Variants in HMCN1 observed in about 807,000 individuals in gnomAD.
HMCN1 encodes hemicentin-1.
A neutral mutation model predicts 625.9 loss-of-function variants in HMCN1; 321 were observed. The observed-to-expected ratio is 0.51, with a 90% CI of 0.47 to 0.56. The LOEUF (loss-of-function observed/expected upper bound fraction) is 0.56. Among genes scored for constraint, HMCN1 ranks in the 20% least tolerant of loss-of-function variants. The pLI is 0.00. For missense variants in HMCN1, 6,588 were observed against 6,887.3 expected, an observed-to-expected ratio of 0.96 and a Z score of 1.54; for synonymous variants, 2,425 against 2,417.6, an observed-to-expected ratio of 1.00 and a Z score of -0.09.
At chr1:186,127,848 A>G (rs1247987129) in intron 82 of HMCN1, among the ~76,000 whole-genome samples, 1 of 152,152 alleles carries the variant, frequency 6.6e-6, no homozygotes, top group Non-Finnish European at 1.5e-5. Context: ...CTGAAATCTT[A>G]CCACTGTAAA....
In HMCN1 at chr1:186,165,163, T is replaced by G; in HGVS notation, c.15309T>G (p.Pro5103=). 1.2e-6 allele frequency: 2 copies of G among 1,613,460 alleles called. No homozygotes were observed. The highest frequency in any genetic ancestry group is 1.7e-4 in the Middle Eastern group (1 of 6,056). Residue 5103 remains proline (P), a synonymous_variant, in exon 98 of 107, where the codon CCT becomes CCG. Coordinates refer to ENST00000271588, the MANE Select transcript of HMCN1 (RefSeq NM_031935.3). ...GGTTTACCTTAGACTCAGTTGGACC[T>G]TTTTGTGCTGGTAAGTACAGAGATA... is the stretch of plus-strand genomic sequence containing the variant. The part of the protein sequence containing the change: ...PSGFTLDSVG[P]FCADEDECAA...
Position 186,085,143 on chromosome 1 carries a change from C to T in HMCN1, c.8885-1103C>T, listed in dbSNP as rs545080000. ...TGAACTGAGCCCTCCATACTGATTG[C>T]GACTTGTCGTTTTGTGTCTACACTA... On this transcript the variant is annotated intron_variant, in intron 57 of 106. Coordinates refer to ENST00000271588, the MANE Select transcript of HMCN1 (RefSeq NM_031935.3). Among the ~76,000 whole-genome samples, 9 of 152,192 alleles carry T rather than the reference C, an allele frequency of 5.9e-5. No individual in the cohort carries two copies. The South Asian group carries it at 6.2e-4, about 11-fold the overall frequency.
intron 10 of HMCN1, among the ~76,000 whole-genome samples, chr1:185,929,414 G>A (rs1210021837): frequency 1.3e-5 from 2 of 151,880 alleles, no homozygotes; most frequent in African/African-American, 4.8e-5. Flanking sequence ...AATTTTCAGG[G>A]GAAAAAAGAC....
At chr1:186,095,985 T>C (rs1351098531) in intron 68 of HMCN1, among the ~76,000 whole-genome samples, 1 of 152,216 alleles carries the variant, frequency 6.6e-6, no homozygotes, top group East Asian at 1.9e-4. Context: ...ACTTAAAATA[T>C]GTATTCCAGT....
chr1:186,141,759 C>T (rs928399930), intron 89 of HMCN1, among the ~76,000 whole-genome samples: 2 of 152,150 alleles, frequency 1.3e-5, no homozygotes, highest in African/African-American at 4.8e-5. Context: ...AATAAATTAT[C>T]TTTTATTATT....
intron 4 of HMCN1, among the ~76,000 whole-genome samples, chr1:185,879,442 GA>G (rs1225000440): frequency 1.3e-5 from 2 of 152,102 alleles, no homozygotes; most frequent in Non-Finnish European, 2.9e-5. Flanking sequence ...ATATTGTTGG[GA>G]TTAGAGGTGT....
rs142395546 is a variant in HMCN1, at chr1:185,852,991, C to T, written c.339+6895C>T. On this transcript the variant is annotated intron_variant, in intron 2 of 106. Coordinates refer to ENST00000271588, the MANE Select transcript of HMCN1 (RefSeq NM_031935.3). ...CACAGGTCACAAAAATAGCAAGTAG[C>T]AAAGCTGGTCTCAAAATAAGGTATT... is the stretch of plus-strand genomic sequence containing the variant. 3.9e-5 allele frequency among the ~76,000 whole-genome samples: 6 copies of T among 152,122 alleles called. No individual in the cohort carries two copies. In the East Asian group the frequency reaches 1.2e-3, roughly 29 times the overall value.
chr1:185,975,654 T>A (rs1260144844), intron 15 of HMCN1, among the ~76,000 whole-genome samples: 1 of 151,906 alleles, frequency 6.6e-6, no homozygotes, highest in Non-Finnish European at 1.5e-5. Context: ...TTTAAATATG[T>A]TTAAAATATG....
intron 36 of HMCN1, among the ~76,000 whole-genome samples, chr1:186,028,750 AG>A (rs1302979609): frequency 7.5e-6 from 1 of 133,854 alleles, no homozygotes; most frequent in African/African-American, 2.9e-5. Flanking sequence ...TTTGAGACGG[AG>A]TCTCGCACTG....
chr1:185,928,698 C>G, intron 10 of HMCN1, 31 bp downstream of exon 10: 2 of 1,609,186 alleles, frequency 1.2e-6, no homozygotes, highest in Non-Finnish European at 1.7e-6. Context: ...TGCAGTTGCC[C>G]AAGTATTAAT....
chr1:186,129,960 C>T lies in HMCN1; in HGVS notation c.12905-6C>T. 1.9e-6 allele frequency: 3 copies of T among 1,612,550 alleles called. No individual in the cohort carries two copies. The highest frequency in any genetic ancestry group is 2.5e-6 in the Non-Finnish European group (3 of 1,178,978). On this transcript the variant is annotated splice_region_variant and splice_polypyrimidine_tract_variant and intron_variant, in intron 83 of 106. Coordinates refer to ENST00000271588, the MANE Select transcript of HMCN1 (RefSeq NM_031935.3). The stretch of plus-strand genomic sequence containing the variant: ...AGGCACTTGTGTTGTTTCTTGTTTC[C>T]CTCAGCCCACTTTGACAGTGTGAAT...
chr1:185,848,578 T>A (rs1202783724), intron 2 of HMCN1, among the ~76,000 whole-genome samples: 1 of 152,150 alleles, frequency 6.6e-6, no homozygotes, highest in Non-Finnish European at 1.5e-5. Context: ...ACCTCTTTCC[T>A]GAGGAACAGA....
intron 4 of HMCN1, among the ~76,000 whole-genome samples, chr1:185,879,036 G>T (rs571036656): frequency 1.3e-5 from 2 of 152,278 alleles, no homozygotes; most frequent in Admixed American, 6.5e-5. Context: ...GGCTCAAGTG[G>T]CCTGAGTCAT....
At chr1:185,915,854 GGTGTGTTAA>G (rs1244549349) in intron 6 of HMCN1, among the ~76,000 whole-genome samples, 36 of 152,002 alleles carry the variant, frequency 2.4e-4, no homozygotes, top group African/African-American at 7.7e-4. Flanking sequence ...GTCTATACAA[GGTGTGTTAA>G]GTAAATAGAT....
chr1:186,066,445 C>A (rs1396250565), intron 49 of HMCN1, among the ~76,000 whole-genome samples: 1 of 152,164 alleles, frequency 6.6e-6, no homozygotes, highest in Non-Finnish European at 1.5e-5. Flanking sequence ...CCTTTCTTTT[C>A]TCAGAGGATA....
At chr1:186,127,827 A>T (rs12133656) in intron 82 of HMCN1, among the ~76,000 whole-genome samples, 70,819 of 151,952 alleles carry the variant, frequency 0.47, 17,846 homozygotes, top group African/African-American at 0.64. Flanking sequence ...AACCACAGAA[A>T]CTACAGTTTT....
Position 185,977,800 on chromosome 1 carries a change from C to T in HMCN1, c.2385C>T (p.Phe795=), listed in dbSNP as rs140778669. 722 of 1,611,972 alleles carry T rather than the reference C, an allele frequency of 4.5e-4. 1 individual carries two copies. Among genetic ancestry groups the T allele is most frequent in the Non-Finnish European group, 5.7e-4 (667 of 1,178,314 alleles). ...ITLDVGSPPV[F]IQEPADVSME... The stretch of plus-strand genomic sequence containing the variant: ...AATGTCTTCCAGCACCTCCAGTTTT[C>T]ATACAAGAACCTGCTGATGTGTCTA... Residue 795 remains phenylalanine (F), a synonymous_variant, in exon 16 of 107, where the codon TTC becomes TTT. Coordinates refer to ENST00000271588, the MANE Select transcript of HMCN1 (RefSeq NM_031935.3).
rs749406940 is a variant in HMCN1 at position 186,015,392 on chromosome 1, A to G, written c.4864A>G (p.Asn1622Asp). The G allele has an allele frequency of 6.2e-7, 1 of 1,613,580 alleles. No individual in the cohort carries two copies. Among genetic ancestry groups the G allele is most frequent in the Non-Finnish European group, 8.5e-7 (1 of 1,179,638 alleles). ...DSATYTCHVA[N>D]VAGTAEKSFH... ...AGCAACATATACGTGTCATGTAGCCAATGTTGCTGGAACTGCTGAAAAATC... is the reference window on the plus strand; with the variant it reads ...AGCAACATATACGTGTCATGTAGCCGATGTTGCTGGAACTGCTGAAAAATC... The change falls in exon 31 of 107, where the codon AAT becomes GAT. Residue 1622 changes from asparagine (N) to aspartate (D), a missense_variant. By Grantham distance (23) the Asn-to-Asp change is conservative. Transcript: ENST00000271588.
chr1:186,115,449 C>T (rs749771403), intron 75 of HMCN1, 35 bp downstream of exon 75: 1 of 1,575,030 alleles, frequency 6.3e-7, no homozygotes, highest in East Asian at 2.2e-5. Flanking sequence ...CAACTATTTA[C>T]AAACAGTTTG....
Sources: gnomAD v4.1 joint callset for allele counts (sites outside exome capture counted in the v4.1 genomes callset) on GRCh38, gnomAD v4.1.1 for gene constraint, MANE v1.5 for transcripts, NCBI Gene and HGNC (gene_info 2026-07-23, HGNC 2026-07-21) for gene names.